The following CD300A variants were observed in gnomAD, a reference collection of about 807,000 sequenced individuals.
CD300A encodes CMRF35-like molecule 8.
Under a neutral mutation model 33.6 loss-of-function variants are expected in CD300A, and 22 were observed. That is an observed-to-expected ratio of 0.66 (90% CI 0.47 to 0.94). CD300A has a LOEUF of 0.94. Among genes scored for constraint, CD300A ranks in the 40% least tolerant of loss-of-function variants. The pLI is 0.00. For synonymous variants in CD300A, 136 were observed against 148.1 expected (o/e 0.92, Z 0.59); for missense variants, 326 against 360.5 (o/e 0.90, Z 0.77).
In CD300A at chr17:74,484,024, C is replaced by G; in HGVS notation, c.798C>G (p.His266Gln). Reference sequence around the variant, plus strand: ...AGGCCTCCCCCAGGGAAGAACTTCACTATGCCTCGGTGGTGTTTGATTCTA... The same window carrying G: ...AGGCCTCCCCCAGGGAAGAACTTCAGTATGCCTCGGTGGTGTTTGATTCTA... ...STVASPREELHYASVVFDSNT... is the reference protein window; with the variant it reads ...STVASPREELQYASVVFDSNT... Residue 266 changes from histidine to glutamine, a missense_variant, in exon 7 of 7, where the codon CAC (histidine) becomes CAG (glutamine). By Grantham distance (24) the His-to-Gln change is conservative. Coordinates refer to ENST00000360141, the MANE Select transcript of CD300A (RefSeq NM_007261.4). The G allele has an allele frequency of 6.2e-7, 1 of 1,614,064 alleles. No homozygotes were observed. Among genetic ancestry groups the G allele is most frequent in the Non-Finnish European group, 8.5e-7 (1 of 1,179,958 alleles).
In CD300A at chr17:74,473,564, C is replaced by T. The variant is rs202135672; in HGVS notation, c.69C>T (p.Thr23=). ...GTTTTGCTCTGAGCAAATGCAGGACCGTGGCGGGCCCCGTGGGGGGATCCC... is the reference window on the plus strand; with the variant it reads ...GTTTTGCTCTGAGCAAATGCAGGACTGTGGCGGGCCCCGTGGGGGGATCCC... ...PGCFALSKCR[T]VAGPVGGSLS... Residue 23 remains threonine, a synonymous_variant, in exon 2 of 7, where the codon ACC becomes ACT. Coordinates refer to ENST00000360141, the MANE Select transcript of CD300A (RefSeq NM_007261.4). 5.8e-5 allele frequency: 94 copies of T among 1,613,852 alleles called. No homozygotes were observed. In the East Asian group the frequency reaches 1.3e-3, roughly 22 times the overall value.
rs550302657 is a variant in CD300A at position 74,468,644 on chromosome 17, T to C, written c.40+1901T>C. Among the ~76,000 whole-genome samples, 51 of 152,168 alleles carry C rather than the reference T, an allele frequency of 3.4e-4. No individual in the cohort carries two copies. The South Asian group carries it at 7.7e-3, about 23-fold the overall frequency. The stretch of plus-strand genomic sequence containing the variant: ...CACCACACCTGGCCCCTACAAAACA[T>C]TTTTTATTTTATTTTTATTTATTTT... On this transcript the variant is annotated intron_variant, in intron 1 of 6. Coordinates refer to ENST00000360141, the MANE Select transcript of CD300A (RefSeq NM_007261.4).
Position 74,473,587 on chromosome 17 carries a change from C to A in CD300A, c.92C>A (p.Ser31Tyr). The change falls in exon 2 of 7, where the codon TCC becomes TAC. Residue 31 changes from serine (S) to tyrosine (Y), a missense_variant. Coordinates refer to ENST00000360141, the MANE Select transcript of CD300A (RefSeq NM_007261.4). ...ACCGTGGCGGGCCCCGTGGGGGGATCCCTGAGTGTGCAGTGTCCCTATGAG... is the reference window on the plus strand; with the variant it reads ...ACCGTGGCGGGCCCCGTGGGGGGATACCTGAGTGTGCAGTGTCCCTATGAG... The part of the protein sequence containing the change: ...CRTVAGPVGG[S>Y]LSVQCPYEKE... The A allele has an allele frequency of 6.2e-7, 1 of 1,614,098 alleles. No homozygotes were observed. The highest frequency in any genetic ancestry group is 8.5e-7 in the Non-Finnish European group (1 of 1,179,964).
In CD300A at chr17:74,484,084, G is replaced by T. The variant is rs780316270; in HGVS notation, c.858G>T (p.Glu286Asp). 1 of 1,614,080 alleles carries T rather than the reference G, an allele frequency of 6.2e-7. No homozygotes were observed. Among genetic ancestry groups the T allele is most frequent in the Non-Finnish European group, 8.5e-7 (1 of 1,179,990 alleles). ...GGATAGCTGCTCAGAGGCCTCGGGAGGAGGAACCAGATTCAGATTACAGTG... is the reference window on the plus strand; with the variant it reads ...GGATAGCTGCTCAGAGGCCTCGGGATGAGGAACCAGATTCAGATTACAGTG... ...TNRIAAQRPR[E>D]EEPDSDYSVI... The change falls in exon 7 of 7, where the codon GAG becomes GAT. Residue 286 changes from glutamate to aspartate, a missense_variant. Transcript: ENST00000360141.
chr17:74,473,064 A>G (rs1185086402), intron 1 of CD300A, among the ~76,000 whole-genome samples: 1 of 151,850 alleles, frequency 6.6e-6, no homozygotes, highest in Non-Finnish European at 1.5e-5. Flanking sequence ...GTGAGTTCTC[A>G]TGCTCCTGGC....
At position 74,473,625 on chromosome 17, in the gene CD300A, A is replaced by C; in HGVS notation, c.130A>C (p.Thr44Pro). ...GTGTCCCTATGAGAAGGAACACAGG[A>C]CCCTCAACAAATACTGGTGCAGACC... ...VQCPYEKEHRTLNKYWCRPPQ... is the reference protein window; with the variant it reads ...VQCPYEKEHRPLNKYWCRPPQ... The change falls in exon 2 of 7, where the codon ACC becomes CCC. Residue 44 changes from threonine to proline, a missense_variant. By Grantham distance (38) the Thr-to-Pro change is conservative. Transcript: ENST00000360141. 6.2e-7 allele frequency: 1 copy of C among 1,614,196 alleles called. No homozygotes were observed. The highest frequency in any genetic ancestry group is 8.5e-7 in the Non-Finnish European group (1 of 1,180,040).
At chr17:74,475,889 A>G (rs560699191) in intron 3 of CD300A, among the ~76,000 whole-genome samples, 5 of 152,328 alleles carry the variant, frequency 3.3e-5, no homozygotes, top group Admixed American at 2.0e-4. Context: ...TTACAATTAC[A>G]GTTTTATCAT....
At position 74,480,992 on chromosome 17, in the gene CD300A, G is replaced by A. The variant is rs1780043473; in HGVS notation, c.629-297G>A. On this transcript the variant is annotated intron_variant, in intron 4 of 6. Coordinates refer to ENST00000360141, the MANE Select transcript of CD300A (RefSeq NM_007261.4). The surrounding 1 kb of genome is among the most constrained non-coding windows in gnomAD (Gnocchi z 4.2). Reference sequence around the variant, plus strand: ...TCGAACTCCTGACCTCAAGTGATCTGCCCTCCTCGGCTTCCCAAAGCACTG... The same window carrying A: ...TCGAACTCCTGACCTCAAGTGATCTACCCTCCTCGGCTTCCCAAAGCACTG... Among the ~76,000 whole-genome samples, 1 of 152,258 alleles carries A rather than the reference G, an allele frequency of 6.6e-6. No homozygotes were observed. Among genetic ancestry groups the A allele is most frequent in the African/African-American group, 2.4e-5 (1 of 41,550 alleles).
At chr17:74,468,660 T>C (rs1905889538) in intron 1 of CD300A, among the ~76,000 whole-genome samples, 1 of 152,118 alleles carries the variant, frequency 6.6e-6, no homozygotes, top group South Asian at 2.1e-4. Context: ...ATTTTATTTT[T>C]ATTTATTTTT....
chr17:74,480,211 G>A lies in CD300A; in HGVS notation c.629-1078G>A, dbSNP rs1906743336. Among the ~76,000 whole-genome samples the A allele has an allele frequency of 6.6e-6, 1 of 152,124 alleles. No individual in the cohort carries two copies. The highest frequency in any genetic ancestry group is 2.4e-5 in the African/African-American group (1 of 41,422). On this transcript the variant is annotated intron_variant, in intron 4 of 6. Transcript: ENST00000360141. This position sits in a 1 kb window ranked among gnomAD's most constrained non-coding sequence, Gnocchi z 4.2. ...CATTAGGTCAGCTGTGGCTCAGCAA[G>A]CCCGTCACTATACGTGGTCTTGTGT... is the stretch of plus-strand genomic sequence containing the variant.
chr17:74,469,151 ACTGT>A (rs1272377530), intron 1 of CD300A, among the ~76,000 whole-genome samples: 1 of 151,892 alleles, frequency 6.6e-6, no homozygotes, highest in Non-Finnish European at 1.5e-5. Flanking sequence ...AGCTTGTAAA[ACTGT>A]CTGAGTTTTG....
chr17:74,472,081 A>T (rs578046301), intron 1 of CD300A, among the ~76,000 whole-genome samples: 5 of 152,010 alleles, frequency 3.3e-5, no homozygotes, highest in Non-Finnish European at 5.9e-5. Context: ...TCTCTACTAA[A>T]AACACAAAAA....
chr17:74,472,730 C>T (rs761034917), intron 1 of CD300A, among the ~76,000 whole-genome samples: 2 of 151,974 alleles, frequency 1.3e-5, no homozygotes, highest in Non-Finnish European at 2.9e-5. Context: ...GTGCCTCAGC[C>T]TCCCCAGTAG....
Position 74,477,423 on chromosome 17 carries a change from G to A in CD300A, c.534-13G>A, listed in dbSNP as rs761013009. On this transcript the variant is annotated splice_polypyrimidine_tract_variant and intron_variant, in intron 3 of 6. Transcript: ENST00000360141. Reference sequence around the variant, plus strand: ...AAGTTGGCCCCGCCCTTACCATCCTGTGCCTCCTCCAGGCTCCCGCTGCTC... The same window carrying A: ...AAGTTGGCCCCGCCCTTACCATCCTATGCCTCCTCCAGGCTCCCGCTGCTC... The A allele has an allele frequency of 6.2e-7, 1 of 1,607,704 alleles. No homozygotes were observed. Among genetic ancestry groups the A allele is most frequent in the African/African-American group, 1.3e-5 (1 of 74,776 alleles).
intron 5 of CD300A, 54 bp from the exon 6 acceptor site, chr17:74,481,672 G>A: frequency 1.5e-6 from 2 of 1,303,034 alleles, no homozygotes; most frequent in Non-Finnish European, 1.1e-6. Flanking sequence ...GAGACGCAGG[G>A]ACAGAGGCTG....
rs146853349 is a variant in CD300A at position 74,473,959 on chromosome 17, A to AGT, written c.379+101_379+102dup. 2.8e-3 allele frequency: 3,978 copies of AGT among 1,406,602 alleles called. 18 individuals are homozygous for AGT. The highest frequency in any genetic ancestry group is 0.019 in the African/African-American group (1,332 of 69,564). The allele number at this position is 1,406,602 out of a possible 1,614,324, so 87.1% of individuals were successfully genotyped here. ...ATCAGATCAGAGACGTGAAGCAGAC[A>AGT]GTGTGTGTGTGTGTGTGCGTAAGAG... On this transcript the variant is annotated intron_variant, in intron 2 of 6. Coordinates refer to ENST00000360141, the MANE Select transcript of CD300A (RefSeq NM_007261.4).
In CD300A at chr17:74,471,614, G is replaced by A. The variant is rs1486976882; in HGVS notation, c.41-1922G>A. ...TAGAGATGTAAACGCAGATGGTTCT[G>A]AGGATCTTTCTGCTTTGTCCTGGCA... On this transcript the variant is annotated intron_variant, in intron 1 of 6. Transcript: ENST00000360141. 2.0e-5 allele frequency among the ~76,000 whole-genome samples: 3 copies of A among 152,312 alleles called. No homozygotes were observed. In the East Asian group the frequency reaches 5.8e-4, roughly 29 times the overall value.
chr17:74,470,506 GT>G (rs1304844971), intron 1 of CD300A, among the ~76,000 whole-genome samples: 1 of 152,110 alleles, frequency 6.6e-6, no homozygotes, highest in African/African-American at 2.4e-5. Flanking sequence ...GTGGGCAGAG[GT>G]GGTGGGGTCA....
intron 6 of CD300A, among the ~76,000 whole-genome samples, chr17:74,482,732 T>TCCTTCCTTCCTTTCCTTCC (rs1555639394): frequency 7.5e-6 from 1 of 133,044 alleles, no homozygotes; most frequent in African/African-American, 3.8e-5. Flanking sequence ...CTTTCTTTCT[T>TCCTTCCTTCCTTTCCTTCC]TGGAATCTCG....
Sources: gnomAD v4.1 joint callset for allele counts (sites outside exome capture counted in the v4.1 genomes callset) on GRCh38, gnomAD v4.1.1 for gene constraint, Gnocchi (gnomAD v3.1) non-coding constraint, MANE v1.5 for transcripts, NCBI Gene and HGNC (gene_info 2026-07-23, HGNC 2026-07-21) for gene names.